The following DCC variants were observed in gnomAD, a reference collection of about 807,000 sequenced individuals.
DCC encodes the protein netrin receptor DCC.
In DCC, 58 loss-of-function variants were observed where a neutral mutation model predicts 172.5. That is an observed-to-expected ratio of 0.34 (90% CI 0.27 to 0.42). The LOEUF is 0.42. DCC is among the 10% of genes least tolerant of loss of function. DCC has a pLI of 1.00. For synonymous variants in DCC, 709 were observed against 644.5 expected, an observed-to-expected ratio of 1.10 and a Z score of -1.52; for missense variants, 1,740 against 1,791.0, an observed-to-expected ratio of 0.97 and a Z score of 0.51.
chr18:53,526,078 C>A (rs184781530), intron 27 of DCC, among the ~76,000 whole-genome samples: 139 of 151,672 alleles, frequency 9.2e-4, no homozygotes, highest in East Asian at 4.1e-3. Context: ...ACAAAAAAAA[C>A]CAGAATTACA....
chr18:53,291,126 C>T (rs1166127413), intron 12 of DCC, among the ~76,000 whole-genome samples: 1 of 151,914 alleles, frequency 6.6e-6, no homozygotes, highest in Non-Finnish European at 1.5e-5. Context: ...TGAGATGGTG[C>T]CACTGCATTC....
chr18:52,660,952 T>C (rs772124576), intron 1 of DCC, among the ~76,000 whole-genome samples: 1 of 152,152 alleles, frequency 6.6e-6, no homozygotes, highest in Non-Finnish European at 1.5e-5. Context: ...CTGGGGAATG[T>C]CATGACCTCA....
At chr18:53,218,888 A>G (rs948190718) in intron 12 of DCC, among the ~76,000 whole-genome samples, 29 of 152,144 alleles carry the variant, frequency 1.9e-4, no homozygotes, top group African/African-American at 6.5e-4. Context: ...GCTGGAACAT[A>G]AAGGATACAT....
intron 7 of DCC, among the ~76,000 whole-genome samples, chr18:53,116,400 C>A (rs1205979042): frequency 6.6e-6 from 1 of 151,706 alleles, no homozygotes; most frequent in Non-Finnish European, 1.5e-5. Context: ...TCTAGTTGGC[C>A]TGCGCCCTAT....
intron 1 of DCC, among the ~76,000 whole-genome samples, chr18:52,374,897 T>C (rs1985279672): frequency 6.6e-6 from 1 of 152,310 alleles, no homozygotes; most frequent in African/African-American, 2.4e-5. Flanking sequence ...GAAACAAATG[T>C]GTTACACTCC....
At chr18:53,199,380 T>A (rs1307060559) in intron 9 of DCC, among the ~76,000 whole-genome samples, 1 of 152,114 alleles carries the variant, frequency 6.6e-6, no homozygotes, top group East Asian at 1.9e-4. Context: ...CATAAGCCAC[T>A]GCATCCAGCC....
intron 2 of DCC, among the ~76,000 whole-genome samples, chr18:52,878,782 A>T (rs904759582): frequency 6.6e-6 from 1 of 152,224 alleles, no homozygotes; most frequent in Non-Finnish European, 1.5e-5. Context: ...TTCAATAAAC[A>T]ATTGTTGAAA....
rs945299190 is a variant in DCC at position 52,857,913 on chromosome 18, G to A, written c.413-48131G>A. On this transcript the variant is annotated intron_variant, in intron 2 of 28. Coordinates refer to ENST00000442544, the MANE Select transcript of DCC (RefSeq NM_005215.4). ...TCCCTTTTTAAACTAACTGTTGGTC[G>A]TGAGTTTTTCAAAAGAAGAAAAATC... is the stretch of plus-strand genomic sequence containing the variant. Among the ~76,000 whole-genome samples the A allele has an allele frequency of 3.9e-5, 6 of 152,238 alleles. No individual in the cohort carries two copies. In the South Asian group the frequency reaches 6.2e-4, roughly 16 times the overall value.
At chr18:52,634,940 G>C (rs1373058249) in intron 1 of DCC, among the ~76,000 whole-genome samples, 1 of 152,098 alleles carries the variant, frequency 6.6e-6, no homozygotes, top group Non-Finnish European at 1.5e-5. Flanking sequence ...CTCCACTGAA[G>C]TGTAAGATTT....
intron 2 of DCC, among the ~76,000 whole-genome samples, chr18:52,818,955 T>A (rs1027653840): frequency 7.2e-5 from 11 of 152,208 alleles, no homozygotes; most frequent in African/African-American, 2.7e-4. Context: ...TCTAAGGTGA[T>A]TCATGGAGAG....
rs549302243 is a variant in DCC at position 53,203,880 on chromosome 18, T to C, written c.1574-1336T>C. On this transcript the variant is annotated intron_variant, in intron 9 of 28. Coordinates refer to ENST00000442544, the MANE Select transcript of DCC (RefSeq NM_005215.4). ...CATAGTGTGGCCATTGCATTTACCA[T>C]TTACAAGCTATATACAGGTCCATAT... Among the ~76,000 whole-genome samples the C allele has an allele frequency of 8.5e-4, 129 of 152,278 alleles. 1 individual carries two copies. Among genetic ancestry groups the C allele is most frequent in the African/African-American group, 3.0e-3 (123 of 41,564 alleles).
At chr18:53,225,882 A>G (rs1217809268) in intron 12 of DCC, among the ~76,000 whole-genome samples, 1 of 152,120 alleles carries the variant, frequency 6.6e-6, no homozygotes, top group Non-Finnish European at 1.5e-5. Flanking sequence ...TCCAGGGAAG[A>G]ACGGGTCAGG....
chr18:53,206,354 TACATATATGTATTGTAAC>T (rs1392973418), intron 10 of DCC, among the ~76,000 whole-genome samples: 2 of 71,874 alleles, frequency 2.8e-5, no homozygotes, highest in African/African-American at 5.3e-5. Flanking sequence ...TATGTATATA[TACATATATGTATTGTAAC>T]ACATATATGT....
At chr18:52,613,844 C>T (rs1292961523) in intron 1 of DCC, among the ~76,000 whole-genome samples, 7 of 152,122 alleles carry the variant, frequency 4.6e-5, no homozygotes, top group African/African-American at 1.7e-4. Context: ...GGGTCCTATA[C>T]TGGTGGTGTT....
At chr18:52,996,960 C>T (rs8089479) in intron 5 of DCC, among the ~76,000 whole-genome samples, 4,010 of 151,916 alleles carry the variant, frequency 0.026, 166 homozygotes, top group African/African-American at 0.088. Flanking sequence ...TTAACTGGTC[C>T]GTCAATTTAT....
chr18:52,407,418 G>T (rs751237798), intron 1 of DCC, among the ~76,000 whole-genome samples: 32 of 151,964 alleles, frequency 2.1e-4, no homozygotes, highest in Non-Finnish European at 2.4e-4. Flanking sequence ...TCCAAAAGAG[G>T]TCTTGGTCTT....
intron 1 of DCC, among the ~76,000 whole-genome samples, chr18:52,738,469 G>A (rs1408804631): frequency 6.6e-6 from 1 of 152,080 alleles, no homozygotes; most frequent in Non-Finnish European, 1.5e-5. Context: ...GAAAAGCCAC[G>A]TAAATATTTT....
chr18:53,128,830 TACAC>T (rs1209652447), intron 7 of DCC, among the ~76,000 whole-genome samples: 60 of 86,942 alleles, frequency 6.9e-4, no homozygotes, highest in African/African-American at 2.0e-3. Flanking sequence ...TGTATACACA[TACAC>T]ACACACACAC....
intron 25 of DCC, among the ~76,000 whole-genome samples, chr18:53,471,398 T>A (rs750015581): frequency 2.0e-5 from 3 of 152,230 alleles, no homozygotes; most frequent in Non-Finnish European, 4.4e-5. Flanking sequence ...GTAGGTCTTA[T>A]TCATTCTATT....
Sources: gnomAD v4.1 joint callset for allele counts (sites outside exome capture counted in the v4.1 genomes callset) on GRCh38, gnomAD v4.1.1 for gene constraint, MANE v1.5 for transcripts, NCBI Gene and HGNC (gene_info 2026-07-23, HGNC 2026-07-21) for gene names.